Variants in LCK observed in about 807,000 individuals in gnomAD.
The protein encoded by LCK is LCK proto-oncogene, Src family tyrosine kinase.
Under a neutral mutation model 64.6 loss-of-function variants are expected in LCK, and 14 were observed. The ratio of observed to expected loss-of-function variants is 0.22; its 90% CI spans 0.14 to 0.34. The LOEUF (loss-of-function observed/expected upper bound fraction) is 0.34. Among genes scored for constraint, LCK ranks in the 10% least tolerant of loss-of-function variants. LCK has a pLI of 1.00. For missense variants in LCK, 434 were observed against 668.1 expected (o/e 0.65, Z 3.86); for synonymous variants, 277 against 263.6 (o/e 1.05, Z -0.49).
At chr1:32,272,817 T>G (rs1323547559) in intron 1 of LCK, among the ~76,000 whole-genome samples, 1 of 141,592 alleles carries the variant, frequency 7.1e-6, no homozygotes, top group African/African-American at 2.7e-5. Context: ...TGTGTGAGTG[T>G]GGGTGTGTGG....
At chr1:32,263,740 A>G (rs1639843273) in intron 1 of LCK, among the ~76,000 whole-genome samples, 2 of 152,184 alleles carry the variant, frequency 1.3e-5, no homozygotes, top group South Asian at 2.1e-4. Context: ...GTGAAACCCC[A>G]TCATTACAAA....
At chr1:32,271,429 C>A (rs1640077227) in intron 1 of LCK, among the ~76,000 whole-genome samples, 1 of 152,136 alleles carries the variant, frequency 6.6e-6, no homozygotes, top group Admixed American at 6.6e-5. Context: ...GTAATCCCAG[C>A]ACTTTGGGAG....
intron 1 of LCK, among the ~76,000 whole-genome samples, chr1:32,270,498 G>T (rs1236265648): frequency 6.6e-6 from 1 of 151,600 alleles, no homozygotes; most frequent in South Asian, 2.1e-4. Context: ...GGGTTCAAGT[G>T]ATTCTCCTGC....
intron 1 of LCK, among the ~76,000 whole-genome samples, chr1:32,267,487 A>T (rs640492): frequency 6.6e-6 from 1 of 151,908 alleles, no homozygotes; most frequent in African/African-American, 2.4e-5. Flanking sequence ...CGAGCTGGGC[A>T]CGGTGGCTCA....
chr1:32,263,435 AAATAAAT>A (rs1454686334), intron 1 of LCK, among the ~76,000 whole-genome samples: 1,930 of 124,576 alleles, frequency 0.015, 44 homozygotes, highest in African/African-American at 0.06. Context: ...ATAAATAAAT[AAATAAAT>A]AAATAAAAAT....
In LCK at chr1:32,275,145, G is replaced by C. The variant is rs1411730809; in HGVS notation, c.278+62G>C. 6.6e-7 allele frequency: 1 copy of C among 1,522,372 alleles called. No individual in the cohort carries two copies. The highest frequency in any genetic ancestry group is 1.4e-5 in the African/African-American group (1 of 73,064). The allele number at this position is 1,522,372 out of a possible 1,614,324, so 94.3% of individuals were successfully genotyped here. A position where few individuals can be genotyped will look rare whatever the true frequency, so the allele number is the denominator to read the frequency against. On this transcript the variant is annotated intron_variant, in intron 4 of 12. Transcript: ENST00000336890. This position sits in a 1 kb window ranked among gnomAD's most constrained non-coding sequence, Gnocchi z 6.9. Reference sequence around the variant, plus strand: ...GAGGGAGCGGCGATCTCCGCGACCCGCAGCCCTCCTGCGGCCCTTGACCAG... The same window carrying C: ...GAGGGAGCGGCGATCTCCGCGACCCCCAGCCCTCCTGCGGCCCTTGACCAG...
At chr1:32,262,144 A>G (rs1242116679) in intron 1 of LCK, among the ~76,000 whole-genome samples, 2 of 141,384 alleles carry the variant, frequency 1.4e-5, no homozygotes, top group East Asian at 2.5e-4. Context: ...TCGGCCTCCC[A>G]AAGTGCTGGG....
At position 32,276,643 on chromosome 1, in the gene LCK, G is replaced by A; in HGVS notation, c.821G>A (p.Ser274Asn). The change falls in exon 9 of 13, where the codon AGC becomes AAC. Residue 274 changes from serine (S) to asparagine (N), a missense_variant. Coordinates refer to ENST00000336890, the MANE Select transcript of LCK (RefSeq NM_005356.5). This position sits in a 1 kb window ranked among gnomAD's most constrained non-coding sequence, Gnocchi z 4.6. The part of the protein sequence containing the change: ...YNGHTKVAVK[S>N]LKQGSMSPDA... ...GGGCACACGAAGGTGGCGGTGAAGA[G>A]CCTGAAGCAGGGCAGCATGTCCCCG... The A allele has an allele frequency of 6.2e-7, 1 of 1,613,848 alleles. No homozygotes were observed. Among genetic ancestry groups the A allele is most frequent in the African/African-American group, 1.3e-5 (1 of 75,020 alleles).
intron 2 of LCK, 144 bp downstream of exon 2, chr1:32,274,578 G>T: frequency 1.1e-6 from 1 of 893,392 alleles, no homozygotes; most frequent in African/African-American, 1.7e-5. Context: ...GCCCAGAGAG[G>T]GGAAGGGAAT....
At chr1:32,278,947 C>G (rs1202031408) in intron 9 of LCK, among the ~76,000 whole-genome samples, 1 of 152,212 alleles carries the variant, frequency 6.6e-6, no homozygotes, top group Non-Finnish European at 1.5e-5. Context: ...CTGCCCTCCA[C>G]TATTAGAGAG....
chr1:32,270,706 T>TC, intron 1 of LCK, among the ~76,000 whole-genome samples: 1 of 136,456 alleles, frequency 7.3e-6, no homozygotes, highest in East Asian at 2.1e-4. Flanking sequence ...TTTTTTTTTT[T>TC]TTTTTTTTTT....
In LCK at chr1:32,273,775, T is replaced by C. The variant is rs1199197183; in HGVS notation, c.-5-550T>C. Among the ~76,000 whole-genome samples the C allele has an allele frequency of 2.0e-5, 3 of 152,132 alleles. No individual in the cohort carries two copies. In the East Asian group the frequency reaches 5.8e-4, roughly 29 times the overall value. On this transcript the variant is annotated intron_variant, in intron 1 of 12. Coordinates refer to ENST00000336890, the MANE Select transcript of LCK (RefSeq NM_005356.5). ...CAAGCCCGTGTTTGAAGGAACCCTG[T>C]GAGATGACTGTGGGCTGTGTGAGGG...
intron 9 of LCK, among the ~76,000 whole-genome samples, chr1:32,278,962 T>C (rs1394277802): frequency 6.6e-6 from 1 of 152,098 alleles, no homozygotes; most frequent in Admixed American, 6.6e-5. Context: ...AGAGAGGTGG[T>C]CCCTCAGACC....
chr1:32,281,459 C>CAA (rs1218686624), intron 12 of LCK, among the ~76,000 whole-genome samples: 36 of 60,982 alleles, frequency 5.9e-4, no homozygotes, highest in African/African-American at 1.8e-3. Context: ...GAATTTGTCT[C>CAA]AAAAAAAAAA....
chr1:32,278,235 T>C (rs925807573), intron 9 of LCK, among the ~76,000 whole-genome samples: 1 of 152,226 alleles, frequency 6.6e-6, no homozygotes, highest in Non-Finnish European at 1.5e-5. Flanking sequence ...AATAAGTTTG[T>C]TGCTGTTATC....
intron 1 of LCK, among the ~76,000 whole-genome samples, chr1:32,273,482 GA>G (rs981641184): frequency 3.3e-5 from 5 of 152,000 alleles, no homozygotes; most frequent in African/African-American, 1.2e-4. Context: ...GAAAGGTCTG[GA>G]ATGCATGGTA....
At chr1:32,254,179 C>T (rs1304754810) in intron 1 of LCK, among the ~76,000 whole-genome samples, 1 of 152,132 alleles carries the variant, frequency 6.6e-6, no homozygotes, top group African/African-American at 2.4e-5. Flanking sequence ...GCTGTGATCG[C>T]TCCACTGCAC....
chr1:32,267,264 G>C (rs1350082722), intron 1 of LCK, among the ~76,000 whole-genome samples: 1 of 152,152 alleles, frequency 6.6e-6, no homozygotes, highest in Non-Finnish European at 1.5e-5. Flanking sequence ...CCTAACAGTA[G>C]GGGAAAGAGT....
At chr1:32,263,407 AAAT>A (rs1437157088) in intron 1 of LCK, among the ~76,000 whole-genome samples, 59 of 68,946 alleles carry the variant, frequency 8.6e-4, no homozygotes, top group Admixed American at 4.7e-3. Context: ...TAAATAAAAT[AAAT>A]AAATAAATAA....
Sources: gnomAD v4.1 joint callset for allele counts (sites outside exome capture counted in the v4.1 genomes callset) on GRCh38, gnomAD v4.1.1 for gene constraint, Gnocchi (gnomAD v3.1) non-coding constraint, MANE v1.5 for transcripts, NCBI Gene and HGNC (gene_info 2026-07-23, HGNC 2026-07-21) for gene names.